The following GABRG3 variants were observed in gnomAD, a reference collection of about 807,000 sequenced individuals.
The protein encoded by GABRG3 is gamma-aminobutyric acid type A receptor subunit gamma3, also known as gamma-aminobutyric acid receptor subunit gamma-3.
Under a neutral mutation model 48.8 loss-of-function variants are expected in GABRG3, and 25 were observed. The observed-to-expected ratio is 0.51, with a 90% CI of 0.37 to 0.72. GABRG3 has a LOEUF of 0.72. Ranked by LOEUF, GABRG3 falls within the 30% of genes least tolerant of loss-of-function variation. GABRG3 has a pLI of 0.00. For missense variants in GABRG3, 394 were observed against 577.9 expected (o/e 0.68, Z 3.26); for synonymous variants, 227 against 217.6 (o/e 1.04, Z -0.38).
chr15:27,295,408 T>C (rs997934644), intron 3 of GABRG3, among the ~76,000 whole-genome samples: 1 of 152,114 alleles, frequency 6.6e-6, no homozygotes, highest in Admixed American at 6.6e-5. Context: ...AAGCACGGGC[T>C]GGGCTTCTGC....
chr15:27,050,150 A>G (rs1896432854), intron 3 of GABRG3, among the ~76,000 whole-genome samples: 1 of 152,182 alleles, frequency 6.6e-6, no homozygotes, highest in Non-Finnish European at 1.5e-5. Flanking sequence ...AGTGAGATTT[A>G]GTCTCTATAT....
chr15:27,017,806 A>C (rs1409102962), intron 2 of GABRG3, among the ~76,000 whole-genome samples: 1 of 152,118 alleles, frequency 6.6e-6, no homozygotes, highest in East Asian at 1.9e-4. Flanking sequence ...TCGTGTGGTT[A>C]AGTCAGTAGC....
At chr15:27,024,949 C>T (rs1437295438) in intron 2 of GABRG3, among the ~76,000 whole-genome samples, 6 of 143,654 alleles carry the variant, frequency 4.2e-5, no homozygotes, top group Non-Finnish European at 7.5e-5. Context: ...TCGCTTGAAC[C>T]GGGAGGCAGA....
At chr15:27,412,644 C>A (rs551644286) in intron 5 of GABRG3, among the ~76,000 whole-genome samples, 1 of 152,176 alleles carries the variant, frequency 6.6e-6, no homozygotes, top group Non-Finnish European at 1.5e-5. Flanking sequence ...AGCTCTCACA[C>A]GCTTGAACGT....
intron 2 of GABRG3, among the ~76,000 whole-genome samples, chr15:27,007,242 G>A (rs1383119595): frequency 6.6e-6 from 1 of 151,714 alleles, no homozygotes; most frequent in African/African-American, 2.4e-5. Flanking sequence ...ACCATCCCTG[G>A]CTAATTTTTC....
intron 5 of GABRG3, among the ~76,000 whole-genome samples, chr15:27,452,763 A>C (rs891113323): frequency 6.6e-6 from 1 of 152,214 alleles, no homozygotes; most frequent in Non-Finnish European, 1.5e-5. Flanking sequence ...GCACTTGTGC[A>C]GTTCAAACCC....
intron 5 of GABRG3, among the ~76,000 whole-genome samples, chr15:27,407,327 G>T (rs1887668407): frequency 6.6e-6 from 1 of 152,198 alleles, no homozygotes; most frequent in Non-Finnish European, 1.5e-5. Flanking sequence ...TGCTGGCAAG[G>T]ATATGGAGCA....
chr15:27,220,582 T>C (rs936321515), intron 3 of GABRG3, among the ~76,000 whole-genome samples: 1 of 152,160 alleles, frequency 6.6e-6, no homozygotes, highest in Non-Finnish European at 1.5e-5. Context: ...GTGACAGCAG[T>C]GGGCATTTTC....
chr15:27,175,803 T>G (rs1887726277), intron 3 of GABRG3, among the ~76,000 whole-genome samples: 1 of 152,204 alleles, frequency 6.6e-6, no homozygotes, highest in African/African-American at 2.4e-5. Flanking sequence ...ATTTAGTTGT[T>G]GCTTTAAACA....
intron 3 of GABRG3, among the ~76,000 whole-genome samples, chr15:27,196,394 C>T (rs967458446): frequency 2.0e-5 from 3 of 152,132 alleles, no homozygotes; most frequent in African/African-American, 7.2e-5. Flanking sequence ...ACTGTGCTCG[C>T]TGTGAGCTGC....
chr15:27,136,809 T>G (rs1030895944), intron 3 of GABRG3, among the ~76,000 whole-genome samples: 10 of 152,170 alleles, frequency 6.6e-5, no homozygotes, highest in Admixed American at 3.9e-4. Context: ...TTCCAGCACC[T>G]GAATGCTCCC....
intron 5 of GABRG3, among the ~76,000 whole-genome samples, chr15:27,360,617 G>C (rs1037325542): frequency 1.3e-5 from 2 of 152,168 alleles, no homozygotes; most frequent in Non-Finnish European, 2.9e-5. Context: ...CCCGACCTCT[G>C]TCTGGAACCT....
chr15:27,359,669 G>A (rs1432803713), intron 5 of GABRG3, among the ~76,000 whole-genome samples: 2 of 152,146 alleles, frequency 1.3e-5, no homozygotes, highest in Non-Finnish European at 2.9e-5. Flanking sequence ...CTCAGTGTAC[G>A]CATTCCCATC....
chr15:27,506,981 A>G (rs1433918401), intron 6 of GABRG3, among the ~76,000 whole-genome samples: 3 of 152,022 alleles, frequency 2.0e-5, no homozygotes, highest in African/African-American at 4.8e-5. Context: ...ATGTGCATCT[A>G]TGCAGTTTTT....
At chr15:27,267,480 C>T (rs1173035177) in intron 3 of GABRG3, among the ~76,000 whole-genome samples, 1 of 150,796 alleles carries the variant, frequency 6.6e-6, no homozygotes, top group Non-Finnish European at 1.5e-5. Flanking sequence ...TGCTCTCTTG[C>T]CCAGGCTGGA....
intron 6 of GABRG3, among the ~76,000 whole-genome samples, chr15:27,511,889 G>A (rs1890904294): frequency 6.6e-6 from 1 of 152,208 alleles, no homozygotes; most frequent in Non-Finnish European, 1.5e-5. Flanking sequence ...CTGAGTCAGT[G>A]AGGAAGTAAG....
At chr15:27,196,303 T>C (rs1252501312) in intron 3 of GABRG3, among the ~76,000 whole-genome samples, 1 of 152,168 alleles carries the variant, frequency 6.6e-6, no homozygotes, top group African/African-American at 2.4e-5. Context: ...CTTGCTCCCC[T>C]GCTCCCCTCA....
At chr15:27,017,276 CAAAAGT>C (rs1895795982) in intron 2 of GABRG3, among the ~76,000 whole-genome samples, 2 of 152,112 alleles carry the variant, frequency 1.3e-5, no homozygotes, top group South Asian at 4.1e-4. Flanking sequence ...TAGGTTGGTA[CAAAAGT>C]AATTTCGAAG....
intron 5 of GABRG3, among the ~76,000 whole-genome samples, chr15:27,393,042 C>T (rs28816726): frequency 0.35 from 53,557 of 151,898 alleles, 10,120 homozygotes; most frequent in East Asian, 0.71. Context: ...CAGTAGAGAA[C>T]GGTATTAGAA....
Sources: gnomAD v4.1 joint callset for allele counts (sites outside exome capture counted in the v4.1 genomes callset) on GRCh38, gnomAD v4.1.1 for gene constraint, MANE v1.5 for transcripts, NCBI Gene and HGNC (gene_info 2026-07-23, HGNC 2026-07-21) for gene names.